DYNLRB1: variants seen among roughly 807,000 people sequenced by gnomAD.
DYNLRB1 encodes dynein light chain roadblock-type 1, also known as ROBL/LC7-like 1.
In DYNLRB1, 6 loss-of-function variants were observed where a neutral mutation model predicts 13.5. That is an observed-to-expected ratio of 0.44 (90% CI 0.24 to 0.88). The LOEUF is 0.88. DYNLRB1 is among the 40% of genes least tolerant of loss of function. The pLI is 0.21. For synonymous variants in DYNLRB1, 43 were observed against 45.0 expected (o/e 0.96, Z 0.18); for missense variants, 93 against 127.2 (o/e 0.73, Z 1.29).
At chr20:34,534,925 T>C in intron 3 of DYNLRB1, 130 bp downstream of exon 3, 1 of 1,532,868 alleles carries the variant, frequency 6.5e-7, no homozygotes, top group East Asian at 2.4e-5. Flanking sequence ...AGGAATTGGG[T>C]TGTTGCCTCA....
intron 1 of DYNLRB1, among the ~76,000 whole-genome samples, chr20:34,518,409 AT>A (rs1979436977): frequency 6.6e-6 from 1 of 152,174 alleles, no homozygotes; most frequent in Non-Finnish European, 1.5e-5. Flanking sequence ...CAGTAAAAAA[AT>A]AAATGATGTA....
chr20:34,540,600 TG>T lies in DYNLRB1; in HGVS notation c.268del (p.Val90Ter). 1 of 1,614,128 alleles carries T rather than the reference TG, an allele frequency of 6.2e-7. No individual in the cohort carries two copies. Among genetic ancestry groups the T allele is most frequent in the Non-Finnish European group, 8.5e-7 (1 of 1,179,998 alleles). On this transcript the variant is annotated frameshift_variant, in exon 4 of 4. Coordinates refer to ENST00000357156, the MANE Select transcript of DYNLRB1 (RefSeq NM_014183.4). LOFTEE classifies it high-confidence loss of function. ...TTGCAGATAAAGACTATTTCCTGAT[TG>T]TGATTCAGAATCCAACCGAATAAGC... ...VAPDKDYFLI[V>X]IQNPTE
chr20:34,519,017 G>A (rs865931225), intron 1 of DYNLRB1, among the ~76,000 whole-genome samples: 2 of 151,728 alleles, frequency 1.3e-5, no homozygotes, highest in East Asian at 1.9e-4. Flanking sequence ...CTCAGCCTCC[G>A]GAGTAGCTGG....
chr20:34,527,462 A>G (rs1248425040), intron 2 of DYNLRB1, among the ~76,000 whole-genome samples: 2 of 152,200 alleles, frequency 1.3e-5, no homozygotes, highest in Non-Finnish European at 2.9e-5. Context: ...TTGAGCTGTG[A>G]GGCATTTGTT....
intron 2 of DYNLRB1, chr20:34,530,061 G>A: frequency 8.0e-7 from 1 of 1,242,558 alleles, no homozygotes; most frequent in African/African-American, 1.5e-5. Flanking sequence ...ACTGTCTTCT[G>A]GGACTGGACA....
At chr20:34,539,136 C>T (rs1237452916) in intron 3 of DYNLRB1, among the ~76,000 whole-genome samples, 1 of 152,194 alleles carries the variant, frequency 6.6e-6, no homozygotes, top group African/African-American at 2.4e-5. Flanking sequence ...CAATCGGTAA[C>T]ATCAGTGTCT....
intron 1 of DYNLRB1, among the ~76,000 whole-genome samples, 165 bp from the exon 2 acceptor site, chr20:34,526,103 C>T (rs1389593453): frequency 1.3e-5 from 2 of 152,120 alleles, no homozygotes; most frequent in South Asian, 2.1e-4. Context: ...TGGTGGTGGC[C>T]GGAGGAGCAC....
intron 3 of DYNLRB1, among the ~76,000 whole-genome samples, chr20:34,538,391 C>T (rs974695035): frequency 3.9e-5 from 6 of 151,920 alleles, no homozygotes; most frequent in Admixed American, 3.9e-4. Flanking sequence ...GAGCCATGAT[C>T]ACGCCACTGC....
intron 1 of DYNLRB1, among the ~76,000 whole-genome samples, chr20:34,518,003 G>A (rs1356298708): frequency 6.6e-6 from 1 of 152,070 alleles, no homozygotes; most frequent in Non-Finnish European, 1.5e-5. Flanking sequence ...TATGAATAGT[G>A]CTGCAATATG....
rs752327288 is a variant in DYNLRB1 at position 34,533,430 on chromosome 20, A to G, written c.80-1198A>G. 25 of 972,372 alleles carry G rather than the reference A, an allele frequency of 2.6e-5. No individual in the cohort carries two copies. In the South Asian group the frequency reaches 6.7e-4, roughly 26 times the overall value. 60.2% of individuals were successfully genotyped at this position (972,372 alleles called of 1,614,324 possible). ...TTTAACTTGGCACGGCCATGTGGAC[A>G]GTGTGTTTATAGCTGCTACCCAAGC... On this transcript the variant is annotated intron_variant, in intron 2 of 3. Coordinates refer to ENST00000357156, the MANE Select transcript of DYNLRB1 (RefSeq NM_014183.4).
chr20:34,530,331 T>G, intron 2 of DYNLRB1: 9 of 960,562 alleles, frequency 9.4e-6, no homozygotes, highest in Non-Finnish European at 1.1e-5. Context: ...ATCTGGGCCC[T>G]ACTTAACTTA....
chr20:34,516,034 A>G (rs887875326), upstream of DYNLRB1, among the ~76,000 whole-genome samples: 1 of 152,092 alleles, frequency 6.6e-6, no homozygotes, highest in Admixed American at 6.5e-5. Context: ...CTGGAACTAC[A>G]CGAGCGCGCC....
Position 34,528,321 on chromosome 20 carries a change from A to AC in DYNLRB1, c.79+1978_79+1979insC, listed in dbSNP as rs1980407313. Among the ~76,000 whole-genome samples the AC allele has an allele frequency of 1.4e-5, 2 of 146,768 alleles. 1 individual carries two copies. The highest frequency in any genetic ancestry group is 3.0e-5 in the Non-Finnish European group (2 of 66,444). On this transcript the variant is annotated intron_variant, in intron 2 of 3. Transcript: ENST00000357156. The stretch of plus-strand genomic sequence containing the variant: ...AGCGAGACTCCGTCTCAAAAAAAAA[A>AC]AAAAAAAAAAAAAAAAAAAAAAACT...
intron 3 of DYNLRB1, among the ~76,000 whole-genome samples, chr20:34,537,293 T>G (rs1981224118): frequency 6.6e-6 from 1 of 152,206 alleles, no homozygotes; most frequent in Non-Finnish European, 1.5e-5. Flanking sequence ...CTTCTTTGGC[T>G]CAGCCTCACT....
At chr20:34,516,304 C>G, upstream of DYNLRB1, 1 of 1,248,198 alleles carries the variant, frequency 8.0e-7, no homozygotes, top group Non-Finnish European at 1.1e-6. Flanking sequence ...TCCAAGAATC[C>G]TGGCGGAGCC....
At position 34,532,171 on chromosome 20, in the gene DYNLRB1, A is replaced by G. The variant is rs184168238; in HGVS notation, c.80-2457A>G. On this transcript the variant is annotated intron_variant, in intron 2 of 3. Coordinates refer to ENST00000357156, the MANE Select transcript of DYNLRB1 (RefSeq NM_014183.4). The stretch of plus-strand genomic sequence containing the variant: ...AGTCACATCCCTTCAGATGAATGGA[A>G]ATGGCATTTACTGTGTGAGTGGTGT... Among the ~76,000 whole-genome samples the G allele has an allele frequency of 2.3e-4, 35 of 152,350 alleles. No individual in the cohort carries two copies. The East Asian group carries it at 2.7e-3, about 12-fold the overall frequency.
intron 1 of DYNLRB1, among the ~76,000 whole-genome samples, chr20:34,519,790 A>G (rs1052324681): frequency 2.6e-5 from 4 of 152,182 alleles, no homozygotes; most frequent in Admixed American, 1.3e-4. Context: ...TTTGGCTTGC[A>G]TATTTTACAT....
chr20:34,535,160 G>T, intron 3 of DYNLRB1: 6 of 985,354 alleles, frequency 6.1e-6, no homozygotes, highest in Non-Finnish European at 7.2e-6. Context: ...CACTGGAGCT[G>T]AATCTTAAGG....
intron 3 of DYNLRB1, among the ~76,000 whole-genome samples, chr20:34,537,398 T>C (rs926069822): frequency 6.6e-6 from 1 of 152,156 alleles, no homozygotes; most frequent in African/African-American, 2.4e-5. Context: ...GGGCAGGGGC[T>C]TGTAAGCACA....
Sources: gnomAD v4.1 joint callset for allele counts (sites outside exome capture counted in the v4.1 genomes callset) on GRCh38, gnomAD v4.1.1 for gene constraint, MANE v1.5 for transcripts, NCBI Gene and HGNC (gene_info 2026-07-23, HGNC 2026-07-21) for gene names.